PKDREJ: variants seen among roughly 807,000 people sequenced by gnomAD.
The protein encoded by PKDREJ is PKD and REJ homolog.
For missense variants in PKDREJ, 2,507 were observed against 2,807.2 expected (o/e 0.89, Z 2.42); for synonymous variants, 1,031 against 1,095.5 (o/e 0.94, Z 1.16).
In PKDREJ at chr22:46,261,059, A is replaced by G; in HGVS notation, c.2264T>C (p.Val755Ala). The change falls in exon 1 of 1, where the codon GTA (valine) becomes GCA (alanine). Residue 755 changes from valine (V) to alanine (A), a missense_variant. By Grantham distance (64) the Val-to-Ala change is moderately conservative. Coordinates refer to ENST00000253255, the MANE Select transcript of PKDREJ (RefSeq NM_006071.2). The surrounding 1 kb of genome is among the most constrained non-coding windows in gnomAD (Gnocchi z 7.1). ...GGTTAATTTGGTAATAGTCATGACT[A>G]CCTGGCCAATTTCTACCAAAGTGCT... ...PVSTLVEIGQ[V>A]VMTITKLTQK... 1 of 1,614,188 alleles carries G rather than the reference A, an allele frequency of 6.2e-7. No individual in the cohort carries two copies. Among genetic ancestry groups the G allele is most frequent in the South Asian group, 1.1e-5 (1 of 91,078 alleles).
Position 46,262,119 on chromosome 22 carries a change from C to G in PKDREJ, c.1204G>C (p.Glu402Gln), listed in dbSNP as rs781518237. ...ILGSKEVCHP[E>Q]QANLKWPWAS... ...CAGGGCCATTTCAGATTGGCCTGCT[C>G]GGGGTGACAGACTTCCTTGCTCCCC... The change falls in exon 1 of 1, where the codon GAG (glutamate) becomes CAG (glutamine). Residue 402 changes from glutamate (E) to glutamine (Q), a missense_variant. Coordinates refer to ENST00000253255, the MANE Select transcript of PKDREJ (RefSeq NM_006071.2). The surrounding 1 kb of genome is among the most constrained non-coding windows in gnomAD (Gnocchi z 8.1). The G allele has an allele frequency of 1.9e-6, 3 of 1,614,162 alleles. No homozygotes were observed. The highest frequency in any genetic ancestry group is 1.7e-6 in the Non-Finnish European group (2 of 1,180,026).
At position 46,262,471 on chromosome 22, in the gene PKDREJ, GAT is replaced by G. The variant is rs1478012787; in HGVS notation, c.850_851del (p.Ile284GlnfsTer12). 1 of 1,596,470 alleles carries G rather than the reference GAT, an allele frequency of 6.3e-7. No individual in the cohort carries two copies. The highest frequency in any genetic ancestry group is 1.3e-5 in the African/African-American group (1 of 74,628). On this transcript the variant is annotated frameshift_variant, in exon 1 of 1. Coordinates refer to ENST00000253255, the MANE Select transcript of PKDREJ (RefSeq NM_006071.2). LOFTEE classifies it low-confidence loss of function (END_TRUNC). This position sits in a 1 kb window ranked among gnomAD's most constrained non-coding sequence, Gnocchi z 8.1. Reference protein sequence around the residue: ...TQPLDLPQLEIRNSPLFIHIP... With the variant: ...TQPLDLPQLEXRNSPLFIHIP... ...TGTGAATGAACAAGGGGCTGTTCCT[GAT>G]CTCGAGCTGGGGCAGATCCAAGGGC...
rs1569270443 is a variant in PKDREJ, at chr22:46,258,815, T to A, written c.4508A>T (p.Lys1503Ile). ...AGCCTTTGGAAGCCTGGGCTTTCCT[T>A]TAGATGCAGGTTTTGCAACCTCCCT... ...HPREVAKPAS[K>I]GKPRLPKASP... The change falls in exon 1 of 1, where the codon AAA becomes ATA. Residue 1503 changes from lysine to isoleucine, a missense_variant. Transcript: ENST00000253255. The surrounding 1 kb of genome is among the most constrained non-coding windows in gnomAD (Gnocchi z 6.1). The A allele has an allele frequency of 1.9e-6, 3 of 1,614,160 alleles. No individual in the cohort carries two copies. Among genetic ancestry groups the A allele is most frequent in the Non-Finnish European group, 2.5e-6 (3 of 1,180,010 alleles).
Position 46,257,170 on chromosome 22 carries a change from C to T in PKDREJ, c.6153G>A (p.Arg2051=). ...HAVSQVDHIM[R]IILGFLLFLT... ...GAAATAACAGGAAACCCAAAATTAT[C>T]CTCATAATGTGATCTACCTGAGAAA... The change falls in exon 1 of 1, where the codon AGG becomes AGA. Residue 2051 remains arginine, a synonymous_variant. Transcript: ENST00000253255. The surrounding 1 kb of genome is among the most constrained non-coding windows in gnomAD (Gnocchi z 4.7). 6.2e-7 allele frequency: 1 copy of T among 1,613,936 alleles called. No homozygotes were observed. Among genetic ancestry groups the T allele is most frequent in the Non-Finnish European group, 8.5e-7 (1 of 1,180,012 alleles).
In PKDREJ at chr22:46,255,985, T is replaced by C. The variant is rs1417344592; in HGVS notation, c.*576A>G. 1 of 152,396 alleles carries C rather than the reference T, an allele frequency of 6.6e-6. No homozygotes were observed. The highest frequency in any genetic ancestry group is 2.4e-5 in the African/African-American group (1 of 41,464). The allele number at this position is 152,396 out of a possible 1,614,324, so 9.4% of individuals were successfully genotyped here. ...AACTACCAGTAGCTTTAAGAATAAA[T>C]GAGAAGCACCACATCTGCATTCTCA... On this transcript the variant is annotated 3_prime_UTR_variant, in exon 1 of 1. Coordinates refer to ENST00000253255, the MANE Select transcript of PKDREJ (RefSeq NM_006071.2).
In PKDREJ at chr22:46,263,201, A is replaced by T; in HGVS notation, c.122T>A (p.Leu41His). ...CCCGAGGCCCGGGGCGCCCCTGAGG[A>T]GGCCACCGGGCGCCCCGGAGACGGC... ...QAAVSGAPGG[L>H]LRGAPGLGVR... The change falls in exon 1 of 1, where the codon CTC becomes CAC. Residue 41 changes from leucine to histidine, a missense_variant. Leu to His is a moderately conservative substitution (Grantham distance 99). Coordinates refer to ENST00000253255, the MANE Select transcript of PKDREJ (RefSeq NM_006071.2). This position sits in a 1 kb window ranked among gnomAD's most constrained non-coding sequence, Gnocchi z 9.4. 7.5e-7 allele frequency: 1 copy of T among 1,333,300 alleles called. No individual in the cohort carries two copies. Among genetic ancestry groups the T allele is most frequent in the East Asian group, 3.9e-5 (1 of 25,800 alleles). 82.6% of individuals were successfully genotyped at this position (1,333,300 alleles called of 1,614,324 possible).
rs773564278 is a variant in PKDREJ, at chr22:46,256,657, G to T, written c.6666C>A (p.Asp2222Glu). 25 of 1,614,098 alleles carry T rather than the reference G, an allele frequency of 1.5e-5. No homozygotes were observed. Among genetic ancestry groups the T allele is most frequent in the African/African-American group, 4.0e-5 (3 of 74,928 alleles). ...KAKDEPEFFIDMLYGQPEKNS... is the reference protein window; with the variant it reads ...KAKDEPEFFIEMLYGQPEKNS... ...TCTTCTCTGGCTGCCCATACAGCAT[G>T]TCAATAAAGAACTCAGGCTCATCTT... The change falls in exon 1 of 1, where the codon GAC becomes GAA. Residue 2222 changes from aspartate (D) to glutamate (E), a missense_variant. Asp to Glu is a conservative substitution (Grantham distance 45). Transcript: ENST00000253255. This position sits in a 1 kb window ranked among gnomAD's most constrained non-coding sequence, Gnocchi z 5.3.
rs1569005705 is a variant in PKDREJ, at chr22:46,261,358, T to C, written c.1965A>G (p.Leu655=). The C allele has an allele frequency of 6.2e-7, 1 of 1,613,776 alleles. No homozygotes were observed. Among genetic ancestry groups the C allele is most frequent in the African/African-American group, 1.3e-5 (1 of 75,008 alleles). ...LKIYAQVYDS[L]GAFSQVTLHA... is the part of the protein sequence containing the mutation. The stretch of plus-strand genomic sequence containing the variant: ...GCAAAGTCACCTGAGAAAAAGCTCC[T>C]AGAGAATCATAGACCTGGGCATATA... The change falls in exon 1 of 1, where the codon CTA becomes CTG. Residue 655 remains leucine (L), a synonymous_variant. Coordinates refer to ENST00000253255, the MANE Select transcript of PKDREJ (RefSeq NM_006071.2). The surrounding 1 kb of genome is among the most constrained non-coding windows in gnomAD (Gnocchi z 7.1).
Position 46,259,963 on chromosome 22 carries a change from A to T in PKDREJ, c.3360T>A (p.Ile1120=). ...IQSEWREGYC[I]LGEKTSWYEV... is the part of the protein sequence containing the mutation. Reference sequence around the variant, plus strand: ...CATACCAGCTGGTCTTCTCACCAAGAATGCAATAACCCTCTCTCCATTCAC... The same window carrying T: ...CATACCAGCTGGTCTTCTCACCAAGTATGCAATAACCCTCTCTCCATTCAC... The change falls in exon 1 of 1, where the codon ATT becomes ATA. Residue 1120 remains isoleucine (I), a synonymous_variant. Coordinates refer to ENST00000253255, the MANE Select transcript of PKDREJ (RefSeq NM_006071.2). The surrounding 1 kb of genome is among the most constrained non-coding windows in gnomAD (Gnocchi z 6.8). 2 of 1,614,126 alleles carry T rather than the reference A, an allele frequency of 1.2e-6. No homozygotes were observed. The highest frequency in any genetic ancestry group is 1.7e-6 in the Non-Finnish European group (2 of 1,180,028).
In PKDREJ at chr22:46,259,730, A is replaced by C; in HGVS notation, c.3593T>G (p.Val1198Gly). ...GTATAAAGCCCAAAAAGCTAGGCCC[A>C]CGTATAAGAGAATAATGAAAAGCAC... ...FTVLFIILLY[V>G]GLAFWALYRD... The change falls in exon 1 of 1, where the codon GTG becomes GGG. Residue 1198 changes from valine (V) to glycine (G), a missense_variant. Val to Gly is a moderately radical substitution (Grantham distance 109). Coordinates refer to ENST00000253255, the MANE Select transcript of PKDREJ (RefSeq NM_006071.2). This position sits in a 1 kb window ranked among gnomAD's most constrained non-coding sequence, Gnocchi z 6.8. The C allele has an allele frequency of 6.2e-7, 1 of 1,614,218 alleles. No individual in the cohort carries two copies. The highest frequency in any genetic ancestry group is 8.5e-7 in the Non-Finnish European group (1 of 1,180,042).
chr22:46,257,779 A>G lies in PKDREJ; in HGVS notation c.5544T>C (p.Ala1848=), dbSNP rs1936649165. 1 of 1,614,070 alleles carries G rather than the reference A, an allele frequency of 6.2e-7. No individual in the cohort carries two copies. The highest frequency in any genetic ancestry group is 8.5e-7 in the Non-Finnish European group (1 of 1,180,018). The change falls in exon 1 of 1, where the codon GCT becomes GCC. Residue 1848 remains alanine, a synonymous_variant. Transcript: ENST00000253255. This position sits in a 1 kb window ranked among gnomAD's most constrained non-coding sequence, Gnocchi z 4.7. ...SGFWNEVDKQ[A]IDESTNGFTY... ...TAAATCCATTGGTACTCTCATCTAT[A>G]GCCTGCTTATCAACTTCATTCCAAA...
chr22:46,256,809 G>T lies in PKDREJ; in HGVS notation c.6514C>A (p.Leu2172Met). The T allele has an allele frequency of 2.5e-6, 4 of 1,614,038 alleles. No individual in the cohort carries two copies. The highest frequency in any genetic ancestry group is 1.1e-5 in the South Asian group (1 of 91,070). The change falls in exon 1 of 1, where the codon CTG becomes ATG. Residue 2172 changes from leucine (L) to methionine (M), a missense_variant. Physicochemically the swap from Leu to Met is conservative, Grantham distance 15. Transcript: ENST00000253255. This position sits in a 1 kb window ranked among gnomAD's most constrained non-coding sequence, Gnocchi z 5.3. ...TGCTTCATTTCCTCATATGCAGACA[G>T]AATTACAGCCTGAAATAAGTTGATC... ...VLINLFQAVI[L>M]SAYEEMKQPV...
In PKDREJ at chr22:46,258,028, G is replaced by C; in HGVS notation, c.5295C>G (p.Asn1765Lys). The C allele has an allele frequency of 1.2e-6, 2 of 1,613,970 alleles. No individual in the cohort carries two copies. Among genetic ancestry groups the C allele is most frequent in the Non-Finnish European group, 1.7e-6 (2 of 1,179,962 alleles). Reference sequence around the variant, plus strand: ...TGTGTAACAAAGGCAACAGCACGCTGTTTAGCCATCTATAGATGTCTTCCA... The same window carrying C: ...TGTGTAACAAAGGCAACAGCACGCTCTTTAGCCATCTATAGATGTCTTCCA... ...TKLEDIYRWL[N>K]SVLLPLLHND... Residue 1765 changes from asparagine (N) to lysine (K), a missense_variant, in exon 1 of 1, where the codon AAC becomes AAG. By Grantham distance (94) the Asn-to-Lys change is moderately conservative (BLOSUM62 0). Coordinates refer to ENST00000253255, the MANE Select transcript of PKDREJ (RefSeq NM_006071.2). The surrounding 1 kb of genome is among the most constrained non-coding windows in gnomAD (Gnocchi z 6.1).
rs187147652 is a variant in PKDREJ at position 46,258,184 on chromosome 22, G to T, written c.5139C>A (p.Tyr1713Ter). 5 of 1,613,994 alleles carry T rather than the reference G, an allele frequency of 3.1e-6. No individual in the cohort carries two copies. In the Admixed American group the frequency reaches 6.7e-5, roughly 22 times the overall value. Residue 1713 changes from tyrosine to a stop codon, truncating the protein, a stop_gained, in exon 1 of 1, where the codon TAC (tyrosine) becomes TAA (stop). Transcript: ENST00000253255. LOFTEE classifies it low-confidence loss of function (END_TRUNC). This position sits in a 1 kb window ranked among gnomAD's most constrained non-coding sequence, Gnocchi z 6.1. ...CTAGAAAGATAAAGTGAGTTAGAATGTAACTCAGAAACAGGAGTGCTCTTC... is the reference window on the plus strand; with the variant it reads ...CTAGAAAGATAAAGTGAGTTAGAATTTAACTCAGAAACAGGAGTGCTCTTC... ...IKRRALLFLS[Y>*]ILTHFIFLAL... is the part of the protein sequence containing the mutation.
At position 46,260,728 on chromosome 22, in the gene PKDREJ, T is replaced by C. The variant is rs1285976020; in HGVS notation, c.2595A>G (p.Lys865=). ...GCTGGTTGATACCCCACTTTTCAAC[T>C]TTCTTGACATACATGTTGAAATTGG... ...RTPNFNMYVK[K]VEKWGINQLF... is the part of the protein sequence containing the mutation. The change falls in exon 1 of 1, where the codon AAA becomes AAG. Residue 865 remains lysine, a synonymous_variant. Transcript: ENST00000253255. The surrounding 1 kb of genome is among the most constrained non-coding windows in gnomAD (Gnocchi z 4.5). 6.2e-7 allele frequency: 1 copy of C among 1,614,096 alleles called. No individual in the cohort carries two copies. Among genetic ancestry groups the C allele is most frequent in the Non-Finnish European group, 8.5e-7 (1 of 1,180,038 alleles).
In PKDREJ at chr22:46,261,445, C is replaced by A; in HGVS notation, c.1878G>T (p.Gln626His). Residue 626 changes from glutamine to histidine, a missense_variant, in exon 1 of 1, where the codon CAG becomes CAT. Coordinates refer to ENST00000253255, the MANE Select transcript of PKDREJ (RefSeq NM_006071.2). This position sits in a 1 kb window ranked among gnomAD's most constrained non-coding sequence, Gnocchi z 7.1. The part of the protein sequence containing the change: ...TLGTILYLGP[Q>H]STVPPSFLPV... ...GGAGAAAGGAAGGGGGTACTGTGGA[C>A]TGAGGCCCCAAGTACAGGATGGTCC... 1 of 1,614,170 alleles carries A rather than the reference C, an allele frequency of 6.2e-7. No individual in the cohort carries two copies. The highest frequency in any genetic ancestry group is 8.5e-7 in the Non-Finnish European group (1 of 1,180,032).
chr22:46,257,915 TC>T lies in PKDREJ; in HGVS notation c.5407del (p.Glu1803LysfsTer47), dbSNP rs771299501. On this transcript the variant is annotated frameshift_variant, in exon 1 of 1. Transcript: ENST00000253255. LOFTEE classifies it low-confidence loss of function (END_TRUNC). The surrounding 1 kb of genome is among the most constrained non-coding windows in gnomAD (Gnocchi z 4.7). ...CTTTTCGGCAGGTAGACACATTTTT[TC>T]ACTAGATTTTGCTCTCACTTGCCTC... ...LMRQVRAKSS[E>X]KMCLPAEKFV... The T allele has an allele frequency of 1.2e-6, 2 of 1,614,186 alleles. No individual in the cohort carries two copies. Among genetic ancestry groups the T allele is most frequent in the South Asian group, 2.2e-5 (2 of 91,080 alleles).
Position 46,258,036 on chromosome 22 carries a change from A to C in PKDREJ, c.5287T>G (p.Trp1763Gly). Residue 1763 changes from tryptophan (W) to glycine (G), a missense_variant, in exon 1 of 1, where the codon TGG becomes GGG. Transcript: ENST00000253255. The surrounding 1 kb of genome is among the most constrained non-coding windows in gnomAD (Gnocchi z 6.1). ...TVTKLEDIYR[W>G]LNSVLLPLLH... The stretch of plus-strand genomic sequence containing the variant: ...AAAGGCAACAGCACGCTGTTTAGCC[A>C]TCTATAGATGTCTTCCAGCTTAGTC... 6.2e-7 allele frequency: 1 copy of C among 1,614,060 alleles called. No individual in the cohort carries two copies. The highest frequency in any genetic ancestry group is 8.5e-7 in the Non-Finnish European group (1 of 1,179,990).
At position 46,258,084 on chromosome 22, in the gene PKDREJ, A is replaced by G; in HGVS notation, c.5239T>C (p.Phe1747Leu). Residue 1747 changes from phenylalanine (F) to leucine (L), a missense_variant, in exon 1 of 1, where the codon TTC becomes CTC. Phe to Leu is a conservative substitution (Grantham distance 22). Transcript: ENST00000253255. This position sits in a 1 kb window ranked among gnomAD's most constrained non-coding sequence, Gnocchi z 6.1. ...GTCACAGTAGCAAGATCCATAGAGA[A>G]CCGATCACGAATAAACTGGTTATAG... ...FYYNQFIRDR[F>L]SMDLATVTKL... 3 of 1,614,118 alleles carry G rather than the reference A, an allele frequency of 1.9e-6. No individual in the cohort carries two copies. Among genetic ancestry groups the G allele is most frequent in the Non-Finnish European group, 2.5e-6 (3 of 1,180,016 alleles).
Sources: allele counts gnomAD v4.1 joint callset, GRCh38; gene constraint gnomAD v4.1.1; non-coding constraint Gnocchi (gnomAD v3.1); transcripts MANE v1.5; gene names NCBI Gene and HGNC (gene_info 2026-07-23, HGNC 2026-07-21).